LRFN5: variants seen among roughly 807,000 people sequenced by gnomAD.
The protein encoded by LRFN5 is leucine rich repeat and fibronectin type III domain containing 5.
In LRFN5, 24 loss-of-function variants were observed where a neutral mutation model predicts 45.6. The observed-to-expected ratio is 0.53, with a 90% CI of 0.38 to 0.74. LRFN5 has a LOEUF of 0.74. Ranked by LOEUF, LRFN5 falls within the 30% of genes least tolerant of loss-of-function variation. The probability of loss-of-function intolerance (pLI) is 0.00; values close to 1 mark genes in which losing one functional copy is unlikely to be tolerated. For synonymous variants in LRFN5, 340 were observed against 313.8 expected (o/e 1.08, Z -0.88); for missense variants, 776 against 861.5 (o/e 0.90, Z 1.24).
At chr14:41,634,376 A>G (rs1888657170) in intron 1 of LRFN5, among the ~76,000 whole-genome samples, 1 of 152,182 alleles carries the variant, frequency 6.6e-6, no homozygotes, top group African/African-American at 2.4e-5. Flanking sequence ...TCATCCAGAG[A>G]TAGCCCTCTG....
chr14:41,644,478 T>C (rs1879720474), intron 1 of LRFN5, among the ~76,000 whole-genome samples: 1 of 152,244 alleles, frequency 6.6e-6, no homozygotes, highest in African/African-American at 2.4e-5. Context: ...CTGAAAATTA[T>C]ATACCTATCC....
chr14:41,775,410 T>A (rs942193626), intron 2 of LRFN5, among the ~76,000 whole-genome samples: 1 of 152,130 alleles, frequency 6.6e-6, no homozygotes, highest in Non-Finnish European at 1.5e-5. Flanking sequence ...AAGCAACTAT[T>A]TTTTATAAGG....
intron 2 of LRFN5, among the ~76,000 whole-genome samples, chr14:41,800,872 A>G (rs536881793): frequency 1.3e-5 from 2 of 152,120 alleles, no homozygotes; most frequent in East Asian, 3.9e-4. Flanking sequence ...TTTAAAAAAT[A>G]CTAGCTCTAG....
At chr14:41,845,303 C>T (rs1889022859) in intron 2 of LRFN5, among the ~76,000 whole-genome samples, 1 of 151,962 alleles carries the variant, frequency 6.6e-6, no homozygotes, top group Non-Finnish European at 1.5e-5. Flanking sequence ...CATGTATAGT[C>T]TTTTATTAGA....
At chr14:41,726,304 G>A (rs1171366372) in intron 1 of LRFN5, among the ~76,000 whole-genome samples, 5 of 152,084 alleles carry the variant, frequency 3.3e-5, no homozygotes, top group Admixed American at 6.6e-5. Context: ...TATAAACTGC[G>A]TTCATTTTTC....
intron 1 of LRFN5, among the ~76,000 whole-genome samples, chr14:41,655,611 A>T (rs1242714351): frequency 6.6e-6 from 1 of 152,004 alleles, no homozygotes; most frequent in Non-Finnish European, 1.5e-5. Context: ...GTTTAAAGAG[A>T]TTATTCTGGT....
chr14:41,816,860 A>G (rs781578033), intron 2 of LRFN5, among the ~76,000 whole-genome samples: 9 of 151,946 alleles, frequency 5.9e-5, no homozygotes, highest in Non-Finnish European at 1.2e-4. Flanking sequence ...AATATTTACT[A>G]TCTTTCTTTC....
chr14:41,847,556 A>G (rs1160298134), intron 2 of LRFN5, among the ~76,000 whole-genome samples: 1 of 152,072 alleles, frequency 6.6e-6, no homozygotes, highest in Non-Finnish European at 1.5e-5. Flanking sequence ...CTCCTGCTTT[A>G]TTACAAATAA....
chr14:41,870,602 G>T (rs746919584), intron 2 of LRFN5, among the ~76,000 whole-genome samples: 13 of 152,038 alleles, frequency 8.6e-5, no homozygotes, highest in Non-Finnish European at 1.8e-4. Flanking sequence ...ACCCCCAATG[G>T]GTCTATCCCA....
In LRFN5 at chr14:41,732,908, A is replaced by G. The variant is rs1884241614; in HGVS notation, c.-196-33946A>G. 2.0e-5 allele frequency among the ~76,000 whole-genome samples: 3 copies of G among 151,176 alleles called. No individual in the cohort carries two copies. The South Asian group carries it at 6.3e-4, about 32-fold the overall frequency. On this transcript the variant is annotated intron_variant, in intron 1 of 5. Transcript: ENST00000298119. ...ACAGAAAACCTAAGGAGAAACAAAA[A>G]ATATCTTATAGCTAAAAAGTACCAG...
intron 3 of LRFN5, among the ~76,000 whole-genome samples, chr14:41,890,662 G>C (rs894504935): frequency 6.6e-6 from 1 of 150,604 alleles, no homozygotes; most frequent in Non-Finnish European, 1.5e-5. Flanking sequence ...AGCCGAGATT[G>C]CGCCACTGCA....
chr14:41,652,012 T>A (rs1880147157), intron 1 of LRFN5, among the ~76,000 whole-genome samples: 2 of 152,094 alleles, frequency 1.3e-5, no homozygotes, highest in Non-Finnish European at 1.5e-5. Flanking sequence ...TCATTTTAAA[T>A]AATCTCTTTA....
At chr14:41,697,897 AT>A (rs1188205323) in intron 1 of LRFN5, among the ~76,000 whole-genome samples, 1 of 151,998 alleles carries the variant, frequency 6.6e-6, no homozygotes, top group Non-Finnish European at 1.5e-5. Flanking sequence ...AAATTAAAAA[AT>A]ATGAGAGTTA....
chr14:41,727,952 C>T (rs1884006019), intron 1 of LRFN5, among the ~76,000 whole-genome samples: 1 of 152,250 alleles, frequency 6.6e-6, no homozygotes, highest in African/African-American at 2.4e-5. Context: ...AATGCCTTCT[C>T]ACCCTTGAGT....
At chr14:41,719,309 G>C (rs374760515) in intron 1 of LRFN5, among the ~76,000 whole-genome samples, 1 of 152,016 alleles carries the variant, frequency 6.6e-6, no homozygotes, top group East Asian at 1.9e-4. Flanking sequence ...TAGATTTTAA[G>C]TAAGTGGTTT....
At chr14:41,801,960 G>A (rs1887350906) in intron 2 of LRFN5, among the ~76,000 whole-genome samples, 1 of 152,072 alleles carries the variant, frequency 6.6e-6, no homozygotes, top group Non-Finnish European at 1.5e-5. Context: ...AAAGGGGAAT[G>A]GACTCGAAAT....
chr14:41,756,903 C>T lies in LRFN5; in HGVS notation c.-196-9951C>T, dbSNP rs541527580. Among the ~76,000 whole-genome samples the T allele has an allele frequency of 2.0e-5, 3 of 152,248 alleles. No individual in the cohort carries two copies. In the South Asian group the frequency reaches 6.2e-4, roughly 32 times the overall value. On this transcript the variant is annotated intron_variant, in intron 1 of 5. Transcript: ENST00000298119. ...CTTTGTGGTTTTATCTACCTTTGGTCTTTGATGATGGTGACGTACAGATGG... is the reference window on the plus strand; with the variant it reads ...CTTTGTGGTTTTATCTACCTTTGGTTTTTGATGATGGTGACGTACAGATGG...
chr14:41,888,100 C>A, intron 3 of LRFN5, 90 bp downstream of exon 3: 1 of 990,314 alleles, frequency 1.0e-6, no homozygotes, highest in Non-Finnish European at 1.5e-6. Context: ...ATTGGCAGTG[C>A]TGTTCTGTGT....
chr14:41,657,302 A>G (rs980464429), intron 1 of LRFN5, among the ~76,000 whole-genome samples: 26 of 151,872 alleles, frequency 1.7e-4, no homozygotes, highest in Non-Finnish European at 4.4e-5. Context: ...TACCCACAAG[A>G]TGGATACAGG....
Sources: allele counts gnomAD v4.1 joint callset (sites outside exome capture counted in the v4.1 genomes callset), GRCh38; gene constraint gnomAD v4.1.1; transcripts MANE v1.5; gene names NCBI Gene and HGNC (gene_info 2026-07-23, HGNC 2026-07-21).